ADARB2: variants seen among roughly 807,000 people sequenced by gnomAD.
The protein encoded by ADARB2 is inactive double-stranded RNA-specific editase B2.
Under a neutral mutation model 62.2 loss-of-function variants are expected in ADARB2, and 25 were observed. The observed-to-expected ratio is 0.40, with a 90% CI of 0.29 to 0.56. The LOEUF is 0.56. Ranked by LOEUF, ADARB2 falls within the 20% of genes least tolerant of loss-of-function variation. The pLI, the probability that ADARB2 is intolerant of heterozygous loss-of-function variation, is 0.43. For missense variants in ADARB2, 1,071 were observed against 1,077.4 expected, an observed-to-expected ratio of 0.99 and a Z score of 0.08; for synonymous variants, 572 against 500.8, an observed-to-expected ratio of 1.14 and a Z score of -1.90.
intron 6 of ADARB2, among the ~76,000 whole-genome samples, chr10:1,233,205 G>A (rs999211197): frequency 1.3e-5 from 2 of 152,150 alleles, no homozygotes; most frequent in African/African-American, 4.8e-5. Context: ...CACCTCCATC[G>A]ATAAATGCTC....
chr10:1,503,388 G>A (rs1021834914), intron 1 of ADARB2, among the ~76,000 whole-genome samples: 4 of 147,916 alleles, frequency 2.7e-5, no homozygotes, highest in Non-Finnish European at 5.9e-5. Flanking sequence ...GTTTTGCCAT[G>A]TTGCCCAGGC....
chr10:1,530,092 TG>T (rs1832209533), intron 1 of ADARB2, among the ~76,000 whole-genome samples: 1 of 152,002 alleles, frequency 6.6e-6, no homozygotes, highest in African/African-American at 2.4e-5. Flanking sequence ...ACCTGTCCAC[TG>T]CCCCTGCCAA....
intron 1 of ADARB2, among the ~76,000 whole-genome samples, chr10:1,669,743 AAC>A (rs1228308596): frequency 2.6e-5 from 4 of 151,030 alleles, no homozygotes; most frequent in East Asian, 2.0e-4. Flanking sequence ...CACAGAGACA[AAC>A]ACAGACACAC....
chr10:1,244,465 G>A (rs1176411091), intron 4 of ADARB2, among the ~76,000 whole-genome samples: 1 of 152,214 alleles, frequency 6.6e-6, no homozygotes, highest in South Asian at 2.1e-4. Context: ...GGAAATTGGA[G>A]CTGTAGAAAA....
At position 1,428,555 on chromosome 10, in the gene ADARB2, G is replaced by A. The variant is rs188810884; in HGVS notation, c.101-49395C>T. On this transcript the variant is annotated intron_variant, in intron 1 of 9. Transcript: ENST00000381312. Reference sequence around the variant, plus strand: ...GCCCGCCTCTGCCTCCTAAAGTGCTGGGATTACAGGCATGAACCACCACGC... The same window carrying A: ...GCCCGCCTCTGCCTCCTAAAGTGCTAGGATTACAGGCATGAACCACCACGC... Among the ~76,000 whole-genome samples the A allele has an allele frequency of 4.8e-4, 73 of 152,034 alleles. No individual in the cohort carries two copies. In the East Asian group the frequency reaches 0.014, roughly 29 times the overall value.
intron 1 of ADARB2, among the ~76,000 whole-genome samples, chr10:1,593,911 C>A (rs1833299723): frequency 5.9e-5 from 9 of 152,182 alleles, no homozygotes. Flanking sequence ...TTCTGCCCGG[C>A]CCATCTCATG....
At chr10:1,615,582 G>A (rs557315683) in intron 1 of ADARB2, among the ~76,000 whole-genome samples, 1 of 152,348 alleles carries the variant, frequency 6.6e-6, no homozygotes, top group African/African-American at 2.4e-5. Context: ...GCACAGACTC[G>A]AATGGGAATT....
In ADARB2 at chr10:1,710,114, A is replaced by G. The variant is rs113866796; in HGVS notation, c.100+26937T>C. ...CGGGAAGGTTCACAGTTGAGCGGAAAGGGTGGCTTTAGGGGAGTCTATGTC... is the reference window on the plus strand; with the variant it reads ...CGGGAAGGTTCACAGTTGAGCGGAAGGGGTGGCTTTAGGGGAGTCTATGTC... On this transcript the variant is annotated intron_variant, in intron 1 of 9. Transcript: ENST00000381312. Among the ~76,000 whole-genome samples the G allele has an allele frequency of 2.0e-4, 30 of 152,314 alleles. 1 individual carries two copies. Among genetic ancestry groups the G allele is most frequent in the African/African-American group, 6.3e-4 (26 of 41,578 alleles).
In ADARB2 at chr10:1,242,139, C is replaced by T. The variant is rs756019624; in HGVS notation, c.1353G>A (p.Leu451=). Residue 451 remains leucine (L), a synonymous_variant, in exon 5 of 10, where the codon CTG becomes CTA. Coordinates refer to ENST00000381312, the MANE Select transcript of ADARB2 (RefSeq NM_018702.4). The stretch of plus-strand genomic sequence containing the variant: ...CGTCCCCAGCCGCTCACCTCAGGTG[C>T]AGCTCCAGCTGCGTGTAGAGGAAGT... ...FLHFLYTQLE[L]HLSKRREDSE... is the part of the protein sequence containing the mutation. 67 of 1,606,102 alleles carry T rather than the reference C, an allele frequency of 4.2e-5. No homozygotes were observed. The highest frequency in any genetic ancestry group is 5.3e-5 in the Non-Finnish European group (62 of 1,178,404).
At chr10:1,504,463 C>T (rs183758571) in intron 1 of ADARB2, among the ~76,000 whole-genome samples, 128 of 145,754 alleles carry the variant, frequency 8.8e-4, no homozygotes, top group Non-Finnish European at 1.5e-3. Context: ...CACGTGTGTA[C>T]GCGGGCATTA....
At chr10:1,377,218 G>A (rs116249526) in intron 2 of ADARB2, among the ~76,000 whole-genome samples, 76 of 126,848 alleles carry the variant, frequency 6.0e-4, no homozygotes, top group African/African-American at 1.7e-3. Flanking sequence ...GTTTGTGTGC[G>A]CCCCTGGGGT....
chr10:1,200,189 C>G (rs1425966148), intron 7 of ADARB2, 42 bp from the exon 8 acceptor site: 1 of 1,549,932 alleles, frequency 6.5e-7, no homozygotes, highest in African/African-American at 1.4e-5. Context: ...CACCCAGGAG[C>G]CCAGGGAGCC....
chr10:1,277,782 C>T (rs1007570152), intron 3 of ADARB2, among the ~76,000 whole-genome samples: 3 of 152,144 alleles, frequency 2.0e-5, no homozygotes, highest in African/African-American at 7.2e-5. Context: ...GATACCAAAG[C>T]CTGGCAGAGA....
intron 1 of ADARB2, among the ~76,000 whole-genome samples, chr10:1,718,968 C>G (rs1464615803): frequency 1.5e-5 from 2 of 134,718 alleles, no homozygotes; most frequent in African/African-American, 6.4e-5. Flanking sequence ...TTTATCTTTA[C>G]CTTCTTTTTG....
intron 1 of ADARB2, among the ~76,000 whole-genome samples, chr10:1,671,858 G>A (rs1363358739): frequency 6.6e-6 from 1 of 152,004 alleles, no homozygotes; most frequent in Non-Finnish European, 1.5e-5. Flanking sequence ...AGGAGACGTC[G>A]CTGCTTCCCT....
At chr10:1,378,049 T>G (rs999696005) in intron 2 of ADARB2, among the ~76,000 whole-genome samples, 1 of 152,108 alleles carries the variant, frequency 6.6e-6, no homozygotes, top group African/African-American at 2.4e-5. Context: ...TCTTCCTGGT[T>G]GAAAAAGGAG....
intron 1 of ADARB2, among the ~76,000 whole-genome samples, chr10:1,714,736 C>G (rs931959568): frequency 6.6e-6 from 1 of 152,226 alleles, no homozygotes; most frequent in Non-Finnish European, 1.5e-5. Flanking sequence ...CTCCACGAAG[C>G]CTGTGAGGGC....
chr10:1,483,025 T>C (rs1831492315), intron 1 of ADARB2, among the ~76,000 whole-genome samples: 1 of 152,212 alleles, frequency 6.6e-6, no homozygotes, highest in Non-Finnish European at 1.5e-5. Context: ...TTTCTGGACA[T>C]GATTTTATTT....
At chr10:1,383,569 A>G (rs142498655) in intron 1 of ADARB2, among the ~76,000 whole-genome samples, 1 of 152,332 alleles carries the variant, frequency 6.6e-6, no homozygotes, top group African/African-American at 2.4e-5. Flanking sequence ...ATGAATTATC[A>G]GGCTTTAAGA....
Sources: gnomAD v4.1 joint callset for allele counts (sites outside exome capture counted in the v4.1 genomes callset) on GRCh38, gnomAD v4.1.1 for gene constraint, MANE v1.5 for transcripts, NCBI Gene and HGNC (gene_info 2026-07-23, HGNC 2026-07-21) for gene names.